Variants in GRIK2 observed in about 807,000 individuals in gnomAD.
The protein encoded by GRIK2 is glutamate ionotropic receptor kainate type subunit 2.
A neutral mutation model predicts 100.3 loss-of-function variants in GRIK2; 32 were observed. That is an observed-to-expected ratio of 0.32 (90% CI 0.24 to 0.43). The LOEUF is 0.43. Among genes scored for constraint, GRIK2 ranks in the 20% least tolerant of loss-of-function variants. The pLI, the probability that GRIK2 is intolerant of heterozygous loss-of-function variation, is 1.00. For missense variants in GRIK2, 843 were observed against 1,114.9 expected (o/e 0.76, Z 3.47); for synonymous variants, 417 against 389.4 (o/e 1.07, Z -0.83).
chr6:101,582,324 T>C (rs1022599048), intron 2 of GRIK2, among the ~76,000 whole-genome samples: 2 of 152,084 alleles, frequency 1.3e-5, no homozygotes, highest in African/African-American at 4.8e-5. Context: ...CATGTGGTGT[T>C]TGGTTTTCTG....
chr6:101,758,900 T>A (rs1777307568), intron 7 of GRIK2, among the ~76,000 whole-genome samples: 1 of 152,026 alleles, frequency 6.6e-6, no homozygotes, highest in Admixed American at 6.6e-5. Flanking sequence ...TGTTTAACTT[T>A]ATTTGTTTAA....
At chr6:101,413,230 G>A (rs571959144) in intron 2 of GRIK2, among the ~76,000 whole-genome samples, 29 of 152,012 alleles carry the variant, frequency 1.9e-4, no homozygotes, top group African/African-American at 6.7e-4. Context: ...CCCCTATTTA[G>A]TATAATTTCT....
chr6:101,918,622 G>A (rs951171110), intron 12 of GRIK2, among the ~76,000 whole-genome samples: 7 of 151,684 alleles, frequency 4.6e-5, no homozygotes, highest in Middle Eastern at 3.4e-3. Context: ...GAGTTTTCCC[G>A]CCTCCTCTTT....
At chr6:102,012,602 G>A (rs1385131415) in intron 14 of GRIK2, among the ~76,000 whole-genome samples, 1 of 152,098 alleles carries the variant, frequency 6.6e-6, no homozygotes, top group African/African-American at 2.4e-5. Flanking sequence ...TCATTTTGGA[G>A]GGTCCTAATG....
chr6:101,426,271 C>A (rs1488697352), intron 2 of GRIK2, among the ~76,000 whole-genome samples: 1 of 152,098 alleles, frequency 6.6e-6, no homozygotes, highest in African/African-American at 2.4e-5. Context: ...TAATGTCTCT[C>A]CTTGTCTCTG....
At chr6:101,520,817 C>G (rs184063294) in intron 2 of GRIK2, among the ~76,000 whole-genome samples, 96 of 152,118 alleles carry the variant, frequency 6.3e-4, no homozygotes, top group Non-Finnish European at 1.2e-3. Context: ...GATTGCAGTG[C>G]CATGATGCAG....
At chr6:101,546,899 C>T (rs1319393688) in intron 2 of GRIK2, among the ~76,000 whole-genome samples, 2 of 123,722 alleles carry the variant, frequency 1.6e-5, no homozygotes, top group East Asian at 2.5e-4. Flanking sequence ...GGCGGGATCT[C>T]GGCTCACTGC....
intron 7 of GRIK2, among the ~76,000 whole-genome samples, chr6:101,743,003 G>A (rs545699916): frequency 6.6e-6 from 1 of 152,196 alleles, no homozygotes; most frequent in Non-Finnish European, 1.5e-5. Flanking sequence ...TTAAGGAAAA[G>A]TGAGGTAACT....
chr6:101,715,691 G>A (rs1442439266), intron 7 of GRIK2, among the ~76,000 whole-genome samples: 2 of 151,742 alleles, frequency 1.3e-5, no homozygotes, highest in Admixed American at 1.3e-4. Flanking sequence ...TATTTCTGAT[G>A]TTCCTGACAA....
At chr6:101,635,077 A>C (rs1780939539) in intron 4 of GRIK2, among the ~76,000 whole-genome samples, 1 of 152,120 alleles carries the variant, frequency 6.6e-6, no homozygotes, top group Non-Finnish European at 1.5e-5. Flanking sequence ...TATATTATGA[A>C]GCATACAATC....
intron 2 of GRIK2, among the ~76,000 whole-genome samples, chr6:101,518,073 A>G (rs540939058): frequency 2.0e-5 from 3 of 150,194 alleles, no homozygotes; most frequent in East Asian, 3.9e-4. Context: ...TCTCTCACAA[A>G]TAAGCTATTA....
chr6:101,774,972 T>G (rs1778651883), intron 7 of GRIK2, among the ~76,000 whole-genome samples: 1 of 152,136 alleles, frequency 6.6e-6, no homozygotes, highest in Non-Finnish European at 1.5e-5. Context: ...ACTTTAAAAC[T>G]TCATGTATTG....
intron 2 of GRIK2, among the ~76,000 whole-genome samples, chr6:101,514,436 G>A (rs531216476): frequency 1.4e-4 from 21 of 152,104 alleles, no homozygotes; most frequent in Non-Finnish European, 2.5e-4. Flanking sequence ...AGGGAAGGGA[G>A]AGGGGGATCC....
chr6:101,628,427 A>C (rs1241290348), intron 4 of GRIK2, among the ~76,000 whole-genome samples: 1 of 152,124 alleles, frequency 6.6e-6, no homozygotes, highest in African/African-American at 2.4e-5. Flanking sequence ...AGTCCTTAAA[A>C]ATAAGTATGT....
chr6:101,550,644 G>C (rs745517929), intron 2 of GRIK2, among the ~76,000 whole-genome samples: 1 of 152,154 alleles, frequency 6.6e-6, no homozygotes, highest in Non-Finnish European at 1.5e-5. Context: ...TCTTAACGTG[G>C]AATGTAAAAC....
intron 2 of GRIK2, among the ~76,000 whole-genome samples, chr6:101,456,392 A>C (rs1209462550): frequency 6.6e-6 from 1 of 152,044 alleles, no homozygotes; most frequent in Non-Finnish European, 1.5e-5. Context: ...TTGTTTATCT[A>C]GGAAGCTACT....
chr6:101,683,611 C>A (rs962189529), intron 6 of GRIK2, among the ~76,000 whole-genome samples: 1 of 152,128 alleles, frequency 6.6e-6, no homozygotes. Flanking sequence ...GGACTTCATC[C>A]AATCTTATTT....
intron 2 of GRIK2, among the ~76,000 whole-genome samples, chr6:101,597,780 A>G (rs2128308697): frequency 6.6e-6 from 1 of 151,686 alleles, no homozygotes; most frequent in East Asian, 2.0e-4. Flanking sequence ...CTCTGTTTTT[A>G]GTAGAAGAGT....
intron 14 of GRIK2, among the ~76,000 whole-genome samples, chr6:101,992,763 A>G (rs1794443691): frequency 6.6e-6 from 1 of 151,648 alleles, no homozygotes; most frequent in South Asian, 2.1e-4. Context: ...AAACTTTTAA[A>G]AAATCAACAG....
Sources: gnomAD v4.1 joint callset for allele counts (sites outside exome capture counted in the v4.1 genomes callset) on GRCh38, gnomAD v4.1.1 for gene constraint, MANE v1.5 for transcripts, NCBI Gene and HGNC (gene_info 2026-07-23, HGNC 2026-07-21) for gene names.